Variants in NFIC observed in about 807,000 individuals in gnomAD.
NFIC encodes nuclear factor I C.
In NFIC, 12 loss-of-function variants were observed where a neutral mutation model predicts 54.4. That is an observed-to-expected ratio of 0.22 (90% CI 0.14 to 0.36). The LOEUF is 0.36. NFIC is among the 10% of genes least tolerant of loss of function. NFIC has a pLI of 1.00. For missense variants in NFIC, 575 were observed against 718.2 expected (o/e 0.80, Z 2.28); for synonymous variants, 322 against 319.2 (o/e 1.01, Z -0.09).
At chr19:3,376,543 G>A (rs1294473621) in intron 1 of NFIC, among the ~76,000 whole-genome samples, 1 of 151,330 alleles carries the variant, frequency 6.6e-6, no homozygotes, top group Non-Finnish European at 1.5e-5. Context: ...GACCGGCCAA[G>A]GCAACACAGT....
intron 10 of NFIC, among the ~76,000 whole-genome samples, chr19:3,460,126 G>A (rs963384350): frequency 1.3e-5 from 2 of 152,194 alleles, no homozygotes; most frequent in Non-Finnish European, 1.5e-5. Flanking sequence ...CCTTAGCCTC[G>A]GTCTCCCGCC....
At position 3,450,016 on chromosome 19, in the gene NFIC, T is replaced by A. The variant is rs565464671; in HGVS notation, c.1084+877T>A. On this transcript the variant is annotated intron_variant, in intron 7 of 10. Transcript: ENST00000443272. ...GTTGCGGTGAGGCGAGTTCACGCCA[T>A]TGCACTCCAACCTGGGCGACAGAGC... Among the ~76,000 whole-genome samples, 566 of 141,490 alleles carry A rather than the reference T, an allele frequency of 4.0e-3. 7 individuals are homozygous for A. The highest frequency in any genetic ancestry group is 0.014 in the African/African-American group (548 of 37,894). 92.8% of individuals were successfully genotyped at this position (141,490 alleles called of 152,430 possible).
chr19:3,438,447 T>C (rs2082240445), intron 6 of NFIC, among the ~76,000 whole-genome samples: 2 of 149,242 alleles, frequency 1.3e-5, no homozygotes, highest in Middle Eastern at 3.5e-3. Context: ...TTTTTTTTTT[T>C]TTCTTTTTGA....
chr19:3,360,931 G>A (rs1032885449), intron 1 of NFIC, among the ~76,000 whole-genome samples: 2 of 152,180 alleles, frequency 1.3e-5, no homozygotes, highest in African/African-American at 4.8e-5. Flanking sequence ...AGTGACTGGC[G>A]CTGAGCCTCC....
intron 1 of NFIC, among the ~76,000 whole-genome samples, chr19:3,381,448 C>T (rs1334570710): frequency 1.3e-5 from 2 of 151,202 alleles, no homozygotes; most frequent in African/African-American, 2.4e-5. Context: ...TTGATTTGTG[C>T]CTCTCACATA....
intron 2 of NFIC, among the ~76,000 whole-genome samples, chr19:3,422,721 A>G (rs2081971936): frequency 6.6e-6 from 1 of 151,906 alleles, no homozygotes; most frequent in Non-Finnish European, 1.5e-5. Context: ...TGTCTCAAAA[A>G]AAAAAGGAAA....
intron 2 of NFIC, among the ~76,000 whole-genome samples, chr19:3,403,239 C>T (rs1259735206): frequency 1.3e-5 from 2 of 152,146 alleles, no homozygotes; most frequent in Non-Finnish European, 2.9e-5. Flanking sequence ...GAGAAAGTTT[C>T]CTTCTACCCC....
chr19:3,381,974 G>A lies in NFIC; in HGVS notation c.293G>A (p.Gly98Asp), dbSNP rs759355691. 4.3e-5 allele frequency: 69 copies of A among 1,613,364 alleles called. No homozygotes were observed. The highest frequency in any genetic ancestry group is 5.4e-5 in the Non-Finnish European group (64 of 1,179,928). The change falls in exon 2 of 11, where the codon GGC becomes GAC. Residue 98 changes from glycine to aspartate, a missense_variant. Transcript: ENST00000443272. ...GAGGACTTCGTGCTGAGCATCACCG[G>A]CAAGAAGGCGCCGGGCTGCGTGCTC... is the stretch of plus-strand genomic sequence containing the variant. ...CREDFVLSIT[G>D]KKAPGCVLSN...
rs1222801670 is a variant in NFIC, at chr19:3,394,531, C to T, written c.562+12288C>T. Among the ~76,000 whole-genome samples, 4 of 48,988 alleles carry T rather than the reference C, an allele frequency of 8.2e-5. 1 individual carries two copies. Among genetic ancestry groups the T allele is most frequent in the South Asian group, 1.0e-3 (1 of 956 alleles). 32.1% of individuals were successfully genotyped at this position (48,988 alleles called of 152,430 possible). On this transcript the variant is annotated intron_variant, in intron 2 of 10. Transcript: ENST00000443272. Reference sequence around the variant, plus strand: ...TGATCTTTTCCCCACCCACCCCCCACCCGCTTACACTAAGTCTGAAATTTG... The same window carrying T: ...TGATCTTTTCCCCACCCACCCCCCATCCGCTTACACTAAGTCTGAAATTTG...
rs1026356045 is a variant in NFIC at position 3,469,106 on chromosome 19, A to T, written c.*6337A>T. 1.3e-5 allele frequency: 2 copies of T among 152,286 alleles called. No individual in the cohort carries two copies. The highest frequency in any genetic ancestry group is 4.8e-5 in the African/African-American group (2 of 41,480). 9.4% of individuals were successfully genotyped at this position (152,286 alleles called of 1,614,324 possible). Reference sequence around the variant, plus strand: ...TTTATTTGTTCCCTATGCAAAAAAAAAATGAAAATGAAAAAAGGGGGATTC... The same window carrying T: ...TTTATTTGTTCCCTATGCAAAAAAATAATGAAAATGAAAAAAGGGGGATTC... On this transcript the variant is annotated 3_prime_UTR_variant, in exon 11 of 11. Transcript: ENST00000443272.
At position 3,438,531 on chromosome 19, in the gene NFIC, G is replaced by A. The variant is rs192750406; in HGVS notation, c.958+3324G>A. Among the ~76,000 whole-genome samples, 32 of 150,910 alleles carry A rather than the reference G, an allele frequency of 2.1e-4. No homozygotes were observed. The East Asian group carries it at 3.9e-3, about 18-fold the overall frequency. ...CAGCTCACTGCAAGCTCCGCTTCCC[G>A]GGTTCACGCCATTCTCCTGCCTCAG... On this transcript the variant is annotated intron_variant, in intron 6 of 10. Transcript: ENST00000443272.
intron 1 of NFIC, among the ~76,000 whole-genome samples, chr19:3,360,336 A>C (rs1274999761): frequency 6.7e-6 from 1 of 149,250 alleles, no homozygotes; most frequent in Non-Finnish European, 1.5e-5. Context: ...GCCCCTCGGC[A>C]GACCCCCGGC....
intron 9 of NFIC, chr19:3,454,194 C>G: frequency 8.1e-7 from 1 of 1,241,548 alleles, no homozygotes; most frequent in Non-Finnish European, 1.0e-6. Flanking sequence ...CCGCCGTGGG[C>G]CGTCAGAAAC....
intron 1 of NFIC, among the ~76,000 whole-genome samples, chr19:3,381,161 G>A (rs888436272): frequency 1.1e-4 from 16 of 152,082 alleles, no homozygotes; most frequent in Admixed American, 1.3e-4. Flanking sequence ...GAGGCCGAGA[G>A]CCGAGGCGGG....
chr19:3,469,057 G>T lies in NFIC; in HGVS notation c.*6288G>T, dbSNP rs141326218. 1.3e-3 allele frequency: 182 copies of T among 142,188 alleles called. No individual in the cohort carries two copies. The highest frequency in any genetic ancestry group is 4.6e-3 in the African/African-American group (175 of 38,110). The allele number at this position is 142,188 out of a possible 1,614,324, so 8.8% of individuals were successfully genotyped here. A position where few individuals can be genotyped will look rare whatever the true frequency, so the allele number is the denominator to read the frequency against. ...CCTACCTAAGTACCATTTACAGAAA[G>T]TGACTCTGGCTGTCATTATTTTGTT... On this transcript the variant is annotated 3_prime_UTR_variant, in exon 11 of 11. Coordinates refer to ENST00000443272, the MANE Select transcript of NFIC (RefSeq NM_001245002.2).
At chr19:3,396,581 G>T (rs372782804) in intron 2 of NFIC, among the ~76,000 whole-genome samples, 6 of 152,098 alleles carry the variant, frequency 3.9e-5, no homozygotes, top group Admixed American at 2.0e-4. Context: ...CGTCCCTTCT[G>T]GTGAACAGAG....
rs1315305499 is a variant in NFIC, at chr19:3,463,648, G to A, written c.*879G>A. On this transcript the variant is annotated 3_prime_UTR_variant, in exon 11 of 11. Transcript: ENST00000443272. ...CCTCCACCCCCCACCCCCGGCATAG[G>A]AGGCCCCCCCACCTCGCCCGGCTCA... 1.3e-5 allele frequency: 12 copies of A among 918,418 alleles called. No homozygotes were observed. The highest frequency in any genetic ancestry group is 1.1e-3 in the Middle Eastern group (2 of 1,788). 56.9% of individuals were successfully genotyped at this position (918,418 alleles called of 1,614,324 possible).
At chr19:3,407,260 C>T (rs949363660) in intron 2 of NFIC, among the ~76,000 whole-genome samples, 1 of 150,258 alleles carries the variant, frequency 6.7e-6, no homozygotes, top group African/African-American at 2.5e-5. Context: ...ACTACAGGCG[C>T]CCGCCACCAC....
chr19:3,359,904 G>A (rs2080787964), intron 1 of NFIC, among the ~76,000 whole-genome samples: 1 of 150,012 alleles, frequency 6.7e-6, no homozygotes. Context: ...GGGGCGCCGC[G>A]GGAGACCCCA....
Sources: gnomAD v4.1 joint callset for allele counts (sites outside exome capture counted in the v4.1 genomes callset) on GRCh38, gnomAD v4.1.1 for gene constraint, MANE v1.5 for transcripts, NCBI Gene and HGNC (gene_info 2026-07-23, HGNC 2026-07-21) for gene names.